The following NUBP1 variants were observed in gnomAD, a reference collection of about 807,000 sequenced individuals.
NUBP1 encodes the protein cytosolic Fe-S cluster assembly factor NUBP1.
In NUBP1, 46 loss-of-function variants were observed where a neutral mutation model predicts 41.8. The ratio of observed to expected loss-of-function variants is 1.10; its 90% CI spans 0.87 to 1.41. The LOEUF (loss-of-function observed/expected upper bound fraction) is 1.41, where lower values mean the gene tolerates loss of function less well. Ranked by LOEUF, NUBP1 falls within the 40% of genes most tolerant of loss-of-function variation. NUBP1 has a pLI of 0.00. For synonymous variants in NUBP1, 189 were observed against 154.6 expected (o/e 1.22, Z -1.65); for missense variants, 494 against 414.0 (o/e 1.19, Z -1.68).
intron 3 of NUBP1, among the ~76,000 whole-genome samples, chr16:10,751,588 A>G (rs1490335016): frequency 6.6e-6 from 1 of 152,176 alleles, no homozygotes. Flanking sequence ...GATCCGAGTC[A>G]TTGCAGCTTT....
chr16:10,750,940 C>T (rs891379960), intron 3 of NUBP1, among the ~76,000 whole-genome samples: 3 of 152,122 alleles, frequency 2.0e-5, no homozygotes, highest in Non-Finnish European at 4.4e-5. Context: ...GGAACGCAGG[C>T]GCATTGCTCT....
chr16:10,758,247 G>A (rs988063706), intron 7 of NUBP1, among the ~76,000 whole-genome samples: 61 of 152,178 alleles, frequency 4.0e-4, no homozygotes, highest in Admixed American at 2.0e-4. Context: ...GAGATGGGAG[G>A]ATCACTTGAG....
intron 8 of NUBP1, 70 bp downstream of exon 8, chr16:10,761,544 G>C (rs1183460781): frequency 1.5e-6 from 2 of 1,320,738 alleles, no homozygotes; most frequent in Admixed American, 3.7e-5. Context: ...TCGGAAGGCT[G>C]CTCTGCAAAC....
chr16:10,761,977 C>A, intron 9 of NUBP1, 118 bp downstream of exon 9: 1 of 759,654 alleles, frequency 1.3e-6, no homozygotes, highest in Non-Finnish European at 2.1e-6. Context: ...GTCAATGGGG[C>A]GCTGGAGCCA....
chr16:10,762,026 A>G, intron 9 of NUBP1, 167 bp downstream of exon 9: 1 of 574,556 alleles, frequency 1.7e-6, no homozygotes, highest in Non-Finnish European at 3.1e-6. Context: ...GGCCACCGGG[A>G]GAGAGGCCGA....
chr16:10,765,327 TAAAAAA>T lies in NUBP1; in HGVS notation c.821-2605_821-2600del, dbSNP rs533208449. Reference sequence around the variant, plus strand: ...TAACACAGGAAGATACCTCATCTCTTAAAAAAAAAAAAAAAAAAAAAAGGAAAAAAT... The same window carrying T: ...TAACACAGGAAGATACCTCATCTCTTAAAAAAAAAAAAAAAAGGAAAAAAT... On this transcript the variant is annotated intron_variant, in intron 9 of 10. Transcript: ENST00000283027. This position sits in a 1 kb window ranked among gnomAD's most constrained non-coding sequence, Gnocchi z 4.0. Among the ~76,000 whole-genome samples, 53 of 111,262 alleles carry T rather than the reference TAAAAAA, an allele frequency of 4.8e-4. No individual in the cohort carries two copies. Among genetic ancestry groups the T allele is most frequent in the South Asian group, 2.0e-3 (7 of 3,478 alleles). The allele number at this position is 111,262 out of a possible 152,430, so 73.0% of individuals were successfully genotyped here.
chr16:10,743,961 A>G lies in NUBP1; in HGVS notation c.20A>G (p.Asp7Gly). The G allele has an allele frequency of 6.3e-7, 1 of 1,592,308 alleles. No individual in the cohort carries two copies. Among genetic ancestry groups the G allele is most frequent in the Non-Finnish European group, 8.5e-7 (1 of 1,172,672 alleles). ...TAACTGTGGTCTTGTCTCTGCGCAG[A>G]CTGTCCAGGGGCCGACAGCGCCCAG... is the stretch of plus-strand genomic sequence containing the variant. MEEVPHDCPGADSAQAG... is the reference protein window; with the variant it reads MEEVPHGCPGADSAQAG... Residue 7 changes from aspartate to glycine, a missense_variant and splice_region_variant, in exon 2 of 11, where the codon GAC becomes GGC. By Grantham distance (94) the Asp-to-Gly change is moderately conservative. Coordinates refer to ENST00000283027, the MANE Select transcript of NUBP1 (RefSeq NM_002484.4).
At chr16:10,751,358 A>G (rs1354344897) in intron 3 of NUBP1, among the ~76,000 whole-genome samples, 1 of 152,176 alleles carries the variant, frequency 6.6e-6, no homozygotes, top group Non-Finnish European at 1.5e-5. Context: ...AGAGCAAGTC[A>G]GGTTTTCCGA....
chr16:10,747,039 G>A, intron 2 of NUBP1, 104 bp from the exon 3 acceptor site: 1 of 1,367,900 alleles, frequency 7.3e-7, no homozygotes, highest in South Asian at 1.3e-5. Context: ...ACAGCCCCAG[G>A]ACTAGTACTA....
intron 4 of NUBP1, 99 bp downstream of exon 4, chr16:10,752,777 A>T: frequency 9.8e-7 from 1 of 1,022,664 alleles, no homozygotes; most frequent in Non-Finnish European, 1.5e-6. Flanking sequence ...GGAGCCCATA[A>T]ATGTTTTTTT....
intron 9 of NUBP1, 61 bp downstream of exon 9, chr16:10,761,920 G>C: frequency 7.7e-7 from 1 of 1,300,960 alleles, no homozygotes; most frequent in Non-Finnish European, 1.1e-6. Flanking sequence ...GGCACGGGTC[G>C]GGCACAACAG....
At chr16:10,746,795 G>A (rs1900082879) in intron 2 of NUBP1, among the ~76,000 whole-genome samples, 1 of 152,150 alleles carries the variant, frequency 6.6e-6, no homozygotes, top group Non-Finnish European at 1.5e-5. Flanking sequence ...GTCTCTGGGG[G>A]ATTTTGTCCC....
chr16:10,755,772 G>A lies in NUBP1; in HGVS notation c.360+19G>A. 6.2e-7 allele frequency: 1 copy of A among 1,613,242 alleles called. No homozygotes were observed. Among genetic ancestry groups the A allele is most frequent in the Non-Finnish European group, 8.5e-7 (1 of 1,179,192 alleles). ...TCCAGTGGTGAGTTTTCACCTCTTT[G>A]CCCTATTTTCACAGTAGTGTGTGGT... On this transcript the variant is annotated intron_variant, in intron 5 of 10. Coordinates refer to ENST00000283027, the MANE Select transcript of NUBP1 (RefSeq NM_002484.4).
Position 10,767,912 on chromosome 16 carries a change from T to C in NUBP1, c.821-37T>C. The C allele has an allele frequency of 1.9e-6, 3 of 1,597,620 alleles. No individual in the cohort carries two copies. Among genetic ancestry groups the C allele is most frequent in the Non-Finnish European group, 2.6e-6 (3 of 1,165,114 alleles). The stretch of plus-strand genomic sequence containing the variant: ...ATCTTGTGGCCATTCTGTTTTCCTC[T>C]TGGACTGAATTGTCTTCCGTTTGTT... On this transcript the variant is annotated intron_variant, in intron 9 of 10. Coordinates refer to ENST00000283027, the MANE Select transcript of NUBP1 (RefSeq NM_002484.4). The surrounding 1 kb of genome is among the most constrained non-coding windows in gnomAD (Gnocchi z 4.6).
At chr16:10,748,370 C>T (rs568839404) in intron 3 of NUBP1, among the ~76,000 whole-genome samples, 3 of 152,248 alleles carry the variant, frequency 2.0e-5, no homozygotes, top group East Asian at 3.9e-4. Flanking sequence ...GGCCCTTACA[C>T]GAGTTTATTC....
In NUBP1 at chr16:10,765,930, G is replaced by A. The variant is rs1384172426; in HGVS notation, c.821-2019G>A. ...TAGCAAGGCCAGGGAGTGCCAGAAA[G>A]GAAGGGGTGGTTAACACTGTCACCC... On this transcript the variant is annotated intron_variant, in intron 9 of 10. Coordinates refer to ENST00000283027, the MANE Select transcript of NUBP1 (RefSeq NM_002484.4). This position sits in a 1 kb window ranked among gnomAD's most constrained non-coding sequence, Gnocchi z 4.0. 6.6e-6 allele frequency: 1 copy of A among 152,336 alleles called. No homozygotes were observed. The highest frequency in any genetic ancestry group is 2.4e-5 in the African/African-American group (1 of 41,452). The allele number at this position is 152,336 out of a possible 1,614,324, so 9.4% of individuals were successfully genotyped here.
At chr16:10,755,794 TG>T (rs1253667414) in intron 5 of NUBP1, 41 bp downstream of exon 5, 5 of 1,598,786 alleles carry the variant, frequency 3.1e-6, no homozygotes, top group Non-Finnish European at 3.4e-6. Context: ...CAGTAGTGTG[TG>T]GTTGTGTGTA....
At chr16:10,751,654 C>T (rs1596452729) in intron 3 of NUBP1, among the ~76,000 whole-genome samples, 1 of 152,312 alleles carries the variant, frequency 6.6e-6, no homozygotes, top group East Asian at 1.9e-4. Context: ...CTCAGACCTC[C>T]TGTATCAGAG....
At chr16:10,758,273 C>G (rs183390575) in intron 7 of NUBP1, among the ~76,000 whole-genome samples, 1 of 152,232 alleles carries the variant, frequency 6.6e-6, no homozygotes, top group Admixed American at 6.5e-5. Flanking sequence ...GAGTTCGGGA[C>G]CAGCCTGAAA....
Sources: gnomAD v4.1 joint callset for allele counts (sites outside exome capture counted in the v4.1 genomes callset) on GRCh38, gnomAD v4.1.1 for gene constraint, Gnocchi (gnomAD v3.1) non-coding constraint, MANE v1.5 for transcripts, NCBI Gene and HGNC (gene_info 2026-07-23, HGNC 2026-07-21) for gene names.